SLC22A23: variants seen among roughly 807,000 people sequenced by gnomAD.
The protein encoded by SLC22A23 is ion transporter protein.
SLC22A23 carries 26 observed loss-of-function variants against 61.0 expected under a neutral mutation model. That is an observed-to-expected ratio of 0.43 (90% CI 0.31 to 0.59). The LOEUF (loss-of-function observed/expected upper bound fraction) is 0.59. Among genes scored for constraint, SLC22A23 ranks in the 20% least tolerant of loss-of-function variants. SLC22A23 has a pLI of 0.11. For synonymous variants in SLC22A23, 430 were observed against 413.9 expected (o/e 1.04, Z -0.47); for missense variants, 796 against 934.7 (o/e 0.85, Z 1.94).
At chr6:3,402,524 TAC>T (rs1356156467) in intron 3 of SLC22A23, among the ~76,000 whole-genome samples, 10 of 147,088 alleles carry the variant, frequency 6.8e-5, no homozygotes, top group African/African-American at 1.3e-4. Context: ...TCATCCACAC[TAC>T]ACAGAGTGCA....
In SLC22A23 at chr6:3,314,843, G is replaced by A. The variant is rs114088602; in HGVS notation, c.1082+8991C>T. ...GTCCTTTACGGCAGCACAATCTCAC[G>A]TCCTCCGCGCTAGGGTTTACCTCCT... On this transcript the variant is annotated intron_variant, in intron 4 of 9. Coordinates refer to ENST00000406686, the MANE Select transcript of SLC22A23 (RefSeq NM_015482.2). Among the ~76,000 whole-genome samples the A allele has an allele frequency of 7.3e-3, 1,111 of 152,166 alleles. 12 individuals carry two copies. The highest frequency in any genetic ancestry group is 0.025 in the African/African-American group (1,045 of 41,508).
chr6:3,367,862 A>AG lies in SLC22A23; in HGVS notation c.913+42325dup, dbSNP rs201991844. ...AATAACATTTCCTTCTGCTTAGTAC[A>AG]GGGAAAAACCCCGACACTGGACTCT... is the stretch of plus-strand genomic sequence containing the variant. On this transcript the variant is annotated intron_variant, in intron 3 of 9. Coordinates refer to ENST00000406686, the MANE Select transcript of SLC22A23 (RefSeq NM_015482.2). Among the ~76,000 whole-genome samples the AG allele has an allele frequency of 7.2e-4, 109 of 152,338 alleles. No homozygotes were observed. In the East Asian group the frequency reaches 0.019, roughly 26 times the overall value.
chr6:3,289,255 G>A (rs1032988594), intron 6 of SLC22A23, among the ~76,000 whole-genome samples: 4 of 152,264 alleles, frequency 2.6e-5, no homozygotes, highest in Non-Finnish European at 5.9e-5. Flanking sequence ...CAGGCGGGGC[G>A]ACCTGGGCCG....
intron 6 of SLC22A23, among the ~76,000 whole-genome samples, chr6:3,288,025 G>C (rs1760212503): frequency 6.6e-6 from 1 of 152,098 alleles, no homozygotes; most frequent in South Asian, 2.1e-4. Context: ...CCCCTCCACT[G>C]CCCTGGGTCA....
intron 3 of SLC22A23, among the ~76,000 whole-genome samples, chr6:3,384,786 A>G (rs932513118): frequency 5.3e-5 from 8 of 152,220 alleles, no homozygotes; most frequent in African/African-American, 1.4e-4. Flanking sequence ...GGAACTCAAA[A>G]ACACACACAT....
At chr6:3,296,576 A>G (rs1761116735) in intron 5 of SLC22A23, among the ~76,000 whole-genome samples, 1 of 152,198 alleles carries the variant, frequency 6.6e-6, no homozygotes, top group Non-Finnish European at 1.5e-5. Context: ...TGTGAGTGTC[A>G]TCGTGTTTCT....
chr6:3,352,029 G>C (rs1440565538), intron 3 of SLC22A23, among the ~76,000 whole-genome samples: 1 of 152,172 alleles, frequency 6.6e-6, no homozygotes, highest in Non-Finnish European at 1.5e-5. Context: ...TTCTGAAATG[G>C]GCGTCAAGGC....
chr6:3,456,611 G>A lies in SLC22A23; in HGVS notation c.-52C>T. The A allele has an allele frequency of 8.2e-6, 8 of 972,582 alleles. No individual in the cohort carries two copies. The highest frequency in any genetic ancestry group is 9.7e-6 in the Non-Finnish European group (8 of 821,002). The allele number at this position is 972,582 out of a possible 1,614,324, so 60.2% of individuals were successfully genotyped here. A position where few individuals can be genotyped will look rare whatever the true frequency, so the allele number is the denominator to read the frequency against. On this transcript the variant is annotated 5_prime_UTR_variant, in exon 1 of 10. Transcript: ENST00000406686. This position sits in a 1 kb window ranked among gnomAD's most constrained non-coding sequence, Gnocchi z 7.1. The stretch of plus-strand genomic sequence containing the variant: ...GCGCATAGAGCGCGGCGGAGGCTCC[G>A]CGGGCGCCCCGGGCACAGCGCGCCG...
chr6:3,280,712 C>T (rs1204103771), intron 9 of SLC22A23, among the ~76,000 whole-genome samples: 3 of 151,876 alleles, frequency 2.0e-5, no homozygotes, highest in South Asian at 2.1e-4. Context: ...TTAGCCAGAT[C>T]CTCTCGATCT....
At chr6:3,321,033 C>A (rs536394163) in intron 4 of SLC22A23, among the ~76,000 whole-genome samples, 2 of 152,194 alleles carry the variant, frequency 1.3e-5, no homozygotes, top group East Asian at 3.8e-4. Context: ...ACCACAATGA[C>A]GCACAGCTGG....
At chr6:3,396,391 T>C (rs575350978) in intron 3 of SLC22A23, among the ~76,000 whole-genome samples, 1 of 152,204 alleles carries the variant, frequency 6.6e-6, no homozygotes, top group Admixed American at 6.5e-5. Flanking sequence ...TGAATCCCCA[T>C]CTCTACTAAA....
At chr6:3,335,957 C>T (rs557170373) in intron 3 of SLC22A23, among the ~76,000 whole-genome samples, 6 of 152,170 alleles carry the variant, frequency 3.9e-5, no homozygotes, top group Non-Finnish European at 5.9e-5. Context: ...GGCGCGGTGG[C>T]GGGCGCCTGT....
chr6:3,288,412 C>G (rs1760255617), intron 6 of SLC22A23, among the ~76,000 whole-genome samples: 1 of 152,246 alleles, frequency 6.6e-6, no homozygotes, highest in South Asian at 2.1e-4. Flanking sequence ...AATGCCTTTC[C>G]TCTTGGGAAA....
At chr6:3,424,751 T>A (rs111752697) in intron 1 of SLC22A23, among the ~76,000 whole-genome samples, 318 of 152,384 alleles carry the variant, frequency 2.1e-3, no homozygotes, top group African/African-American at 7.1e-3. Context: ...CACACAGCCG[T>A]GCTCCTTCAT....
chr6:3,292,159 C>T (rs1760656938), intron 5 of SLC22A23, among the ~76,000 whole-genome samples: 1 of 152,216 alleles, frequency 6.6e-6, no homozygotes, highest in African/African-American at 2.4e-5. Flanking sequence ...CTCACATCAC[C>T]AGCCTGTCAA....
At chr6:3,426,418 C>T (rs548047486) in intron 1 of SLC22A23, among the ~76,000 whole-genome samples, 3 of 152,212 alleles carry the variant, frequency 2.0e-5, no homozygotes, top group African/African-American at 7.2e-5. Context: ...CAAGCCAGGA[C>T]AACTGCTAAT....
chr6:3,322,046 G>A lies in SLC22A23; in HGVS notation c.1082+1788C>T, dbSNP rs113373766. On this transcript the variant is annotated intron_variant, in intron 4 of 9. Transcript: ENST00000406686. This position sits in a 1 kb window ranked among gnomAD's most constrained non-coding sequence, Gnocchi z 4.1. ...AGCCTACTTGGCGCTTTGGAGTACT[G>A]TATCTCTAAAGAGCAAACAAGGAAT... 6.7e-3 allele frequency among the ~76,000 whole-genome samples: 1,022 copies of A among 152,294 alleles called. 13 individuals carry two copies. The highest frequency in any genetic ancestry group is 0.023 in the African/African-American group (976 of 41,554).
chr6:3,384,898 C>T (rs766400868), intron 3 of SLC22A23, among the ~76,000 whole-genome samples: 2 of 152,122 alleles, frequency 1.3e-5, no homozygotes, highest in Non-Finnish European at 2.9e-5. Context: ...AATACGATCC[C>T]GCCTTAAAAA....
intron 4 of SLC22A23, among the ~76,000 whole-genome samples, chr6:3,320,390 G>A (rs1229822910): frequency 2.6e-5 from 4 of 152,136 alleles, no homozygotes; most frequent in Admixed American, 2.6e-4. Context: ...GCCCCTTGGG[G>A]ACCGTGCCTC....
Sources: allele counts gnomAD v4.1 joint callset (sites outside exome capture counted in the v4.1 genomes callset), GRCh38; gene constraint gnomAD v4.1.1; non-coding constraint Gnocchi (gnomAD v3.1); transcripts MANE v1.5; gene names NCBI Gene and HGNC (gene_info 2026-07-23, HGNC 2026-07-21).